SVIL: variants seen among roughly 807,000 people sequenced by gnomAD.
SVIL encodes supervillin.
SVIL carries 101 observed loss-of-function variants against 240.4 expected under a neutral mutation model. That is an observed-to-expected ratio of 0.42 (90% confidence interval 0.36 to 0.50). The LOEUF (loss-of-function observed/expected upper bound fraction) is 0.50, where lower values mean the gene tolerates loss of function less well. Among genes scored for constraint, SVIL ranks in the 20% least tolerant of loss-of-function variants. The pLI is 0.01. For missense variants in SVIL, 2,512 were observed against 2,818.7 expected (o/e 0.89, Z 2.46); for synonymous variants, 999 against 1,100.0 (o/e 0.91, Z 1.82).
rs1419452056 is a variant in SVIL, at chr10:29,565,452, C to T, written c.-142-2160G>A. ...GAGGAAAGTCTCTGATGCTTCTTAA[C>T]GTGGTTCACTTGACATGCTGTTTCC... On this transcript the variant is annotated intron_variant, in intron 2 of 37. Coordinates refer to ENST00000355867, the MANE Select transcript of SVIL (RefSeq NM_021738.3). Among the ~76,000 whole-genome samples, 5 of 152,198 alleles carry T rather than the reference C, an allele frequency of 3.3e-5. 1 individual carries two copies. In the East Asian group the frequency reaches 7.7e-4, roughly 23 times the overall value.
chr10:29,528,028 C>T (rs1305434803), intron 12 of SVIL, among the ~76,000 whole-genome samples: 1 of 152,090 alleles, frequency 6.6e-6, no homozygotes, highest in Non-Finnish European at 1.5e-5. Flanking sequence ...TGCACCCGGC[C>T]TCAATCTACT....
intron 16 of SVIL, 72 bp downstream of exon 16, chr10:29,522,338 A>C: frequency 7.0e-7 from 1 of 1,429,770 alleles, no homozygotes; most frequent in Non-Finnish European, 9.8e-7. Context: ...CCCATCACCG[A>C]GATTGTTTTC....
At chr10:29,505,467 C>A (rs1374756532) in intron 17 of SVIL, among the ~76,000 whole-genome samples, 1 of 152,050 alleles carries the variant, frequency 6.6e-6, no homozygotes, top group Admixed American at 6.6e-5. Context: ...CAATGACATT[C>A]TGGAAAAGGC....
chr10:29,482,560 C>T (rs754875198), intron 27 of SVIL, among the ~76,000 whole-genome samples: 18 of 152,192 alleles, frequency 1.2e-4, no homozygotes, highest in Non-Finnish European at 2.4e-4. Context: ...GAGATTCTCC[C>T]GTCACTAAAA....
chr10:29,486,606 G>C (rs780354522), intron 24 of SVIL, 49 bp from the exon 25 acceptor site: 1 of 1,609,544 alleles, frequency 6.2e-7, no homozygotes, highest in Non-Finnish European at 8.5e-7. Flanking sequence ...CCCTTGGCTA[G>C]ACAGAGTGGC....
At chr10:29,489,230 G>A (rs1458765650) in intron 22 of SVIL, among the ~76,000 whole-genome samples, 1 of 152,206 alleles carries the variant, frequency 6.6e-6, no homozygotes, top group Non-Finnish European at 1.5e-5. Flanking sequence ...TTTATCTGAA[G>A]GCAAAGTGAT....
intron 17 of SVIL, among the ~76,000 whole-genome samples, chr10:29,501,963 T>C (rs1948931624): frequency 6.6e-6 from 1 of 152,142 alleles, no homozygotes; most frequent in Non-Finnish European, 1.5e-5. Context: ...GTGTGGATAA[T>C]GACTCAGAAA....
chr10:29,594,658 G>A (rs2132814980), intron 1 of SVIL, among the ~76,000 whole-genome samples: 3 of 152,072 alleles, frequency 2.0e-5, no homozygotes, highest in East Asian at 1.9e-4. Flanking sequence ...CTGGGCTCAG[G>A]TGACCCTCCC....
chr10:29,726,562 C>A (rs939918350), intron 1 of SVIL, among the ~76,000 whole-genome samples: 1 of 151,932 alleles, frequency 6.6e-6, no homozygotes, highest in African/African-American at 2.4e-5. Flanking sequence ...GACTGGCCAA[C>A]ATGATGAAAC....
Position 29,735,591 on chromosome 10 carries a change from C to T in SVIL, c.-400+160G>A, listed in dbSNP as rs1451171215. 1.3e-5 allele frequency among the ~76,000 whole-genome samples: 2 copies of T among 151,260 alleles called. No individual in the cohort carries two copies. Among genetic ancestry groups the T allele is most frequent in the South Asian group, 2.1e-4 (1 of 4,816 alleles). On this transcript the variant is annotated intron_variant, in intron 1 of 35. Coordinates refer to the SVIL transcript ENST00000375400. The surrounding 1 kb of genome is among the most constrained non-coding windows in gnomAD (Gnocchi z 4.1). ...CCCGCCGGCCTCCACCCCCGGGAGG[C>T]GCCCCCGTTCCCGCTTCGGTCCCCG...
chr10:29,507,496 T>TA (rs1315489738), intron 17 of SVIL, among the ~76,000 whole-genome samples: 2 of 151,808 alleles, frequency 1.3e-5, no homozygotes, highest in African/African-American at 4.8e-5. Flanking sequence ...CGTACACACT[T>TA]AAAGACACAC....
intron 2 of SVIL, among the ~76,000 whole-genome samples, chr10:29,672,508 C>T (rs1317585209): frequency 3.3e-5 from 5 of 152,188 alleles, no homozygotes; most frequent in Non-Finnish European, 7.3e-5. Context: ...AGAAATGCCA[C>T]TCTGGGTGGC....
intron 16 of SVIL, among the ~76,000 whole-genome samples, chr10:29,514,186 A>ATTT (rs1171930428): frequency 2.6e-5 from 3 of 115,986 alleles, no homozygotes; most frequent in Admixed American, 8.7e-5. Flanking sequence ...ATAAATATTA[A>ATTT]ATCCATAAAT....
At chr10:29,560,222 C>A (rs1488636475) in intron 3 of SVIL, among the ~76,000 whole-genome samples, 1 of 152,158 alleles carries the variant, frequency 6.6e-6, no homozygotes, top group East Asian at 1.9e-4. Context: ...CAAGCAATTA[C>A]AAACTAGAGG....
intron 1 of SVIL, among the ~76,000 whole-genome samples, chr10:29,612,419 T>C (rs1957280239): frequency 6.6e-6 from 1 of 152,190 alleles, no homozygotes; most frequent in Non-Finnish European, 1.5e-5. Context: ...GTATCAGGGA[T>C]GGAGTTGGAA....
chr10:29,673,274 T>A (rs1734720483), intron 2 of SVIL, among the ~76,000 whole-genome samples: 1 of 152,192 alleles, frequency 6.6e-6, no homozygotes, highest in Non-Finnish European at 1.5e-5. Flanking sequence ...AATATTCTTA[T>A]TCTAAAAGAT....
intron 29 of SVIL, among the ~76,000 whole-genome samples, chr10:29,475,646 T>C (rs10740806): frequency 0.28 from 42,514 of 151,970 alleles, 6,395 homozygotes; most frequent in East Asian, 0.54. Context: ...ACCTGAATGA[T>C]GCTAATCTGG....
chr10:29,564,203 G>A (rs905175274), intron 2 of SVIL, among the ~76,000 whole-genome samples: 2 of 152,126 alleles, frequency 1.3e-5, no homozygotes, highest in South Asian at 2.1e-4. Flanking sequence ...ATGTCTGGCC[G>A]CAGCACAACA....
intron 3 of SVIL, among the ~76,000 whole-genome samples, chr10:29,651,243 CT>C (rs1265577084): frequency 3.9e-5 from 6 of 152,138 alleles, no homozygotes; most frequent in Non-Finnish European, 8.8e-5. Flanking sequence ...CAACCAGCAC[CT>C]TTTTGGGCAT....
Sources: allele counts gnomAD v4.1 joint callset (sites outside exome capture counted in the v4.1 genomes callset), GRCh38; gene constraint gnomAD v4.1.1; non-coding constraint Gnocchi (gnomAD v3.1); transcripts MANE v1.5; gene names NCBI Gene and HGNC (gene_info 2026-07-23, HGNC 2026-07-21).